Variants in OXR1 observed in about 807,000 individuals in gnomAD.
OXR1 encodes oxidation resistance 1.
Under a neutral mutation model 104.6 loss-of-function variants are expected in OXR1, and 41 were observed. The ratio of observed to expected loss-of-function variants is 0.39; its 90% confidence interval spans 0.31 to 0.51. OXR1 has a LOEUF of 0.51. OXR1 is among the 20% of genes least tolerant of loss of function. The pLI is 0.77. For synonymous variants in OXR1, 348 were observed against 348.4 expected (o/e 1.00, Z 0.01); for missense variants, 955 against 1,031.9 (o/e 0.93, Z 1.02).
At chr8:106,637,294 T>C (rs1423646868) in intron 3 of OXR1, among the ~76,000 whole-genome samples, 1 of 152,086 alleles carries the variant, frequency 6.6e-6, no homozygotes, top group Non-Finnish European at 1.5e-5. Flanking sequence ...TTTAAAATTA[T>C]GTTATGTCAA....
chr8:106,534,007 G>A (rs374952959), intron 3 of OXR1, among the ~76,000 whole-genome samples: 15 of 152,146 alleles, frequency 9.9e-5, no homozygotes, highest in Admixed American at 2.0e-4. Flanking sequence ...ACCACCACGC[G>A]CAGCCAGGTT....
chr8:106,711,258 G>A (rs923671515), intron 10 of OXR1, among the ~76,000 whole-genome samples: 11 of 151,846 alleles, frequency 7.2e-5, no homozygotes, highest in Non-Finnish European at 7.4e-5. Context: ...AGTTTTAAGC[G>A]GTTGTAAAAG....
chr8:106,463,491 T>C (rs914086834), intron 2 of OXR1, among the ~76,000 whole-genome samples: 3 of 152,126 alleles, frequency 2.0e-5, no homozygotes, highest in Non-Finnish European at 4.4e-5. Context: ...TGTCTGTTTA[T>C]GTTCTTTGGC....
chr8:106,739,003 C>T (rs1447698061), intron 12 of OXR1, among the ~76,000 whole-genome samples: 1 of 151,278 alleles, frequency 6.6e-6, no homozygotes, highest in Non-Finnish European at 1.5e-5. Flanking sequence ...AAAATTTTGG[C>T]ACCCAGGAAG....
chr8:106,582,177 C>CATATATATATATATATATAT lies in OXR1; in HGVS notation c.220+63045_220+63064dup, dbSNP rs71562108. On this transcript the variant is annotated intron_variant, in intron 3 of 16. Transcript: ENST00000517566. ...AGCAAGACAGATTTTTTTCTATTGA[C>CATATATATATATATATATAT]ATATATATATATATATATATATATA... Among the ~76,000 whole-genome samples the CATATATATATATATATATAT allele has an allele frequency of 1.6e-3, 193 of 119,252 alleles. 4 individuals carry two copies. Among genetic ancestry groups the CATATATATATATATATATAT allele is most frequent in the African/African-American group, 6.3e-3 (162 of 25,900 alleles). 78.2% of individuals were successfully genotyped at this position (119,252 alleles called of 152,430 possible). A position where few individuals can be genotyped will look rare whatever the true frequency, so the allele number is the denominator to read the frequency against.
At chr8:106,495,554 G>A (rs551452658) in intron 2 of OXR1, among the ~76,000 whole-genome samples, 2 of 152,254 alleles carry the variant, frequency 1.3e-5, no homozygotes, top group East Asian at 3.9e-4. Flanking sequence ...CTAGAAGTTT[G>A]TTCTTTCTAC....
chr8:106,427,289 C>T (rs1317377576), intron 2 of OXR1, among the ~76,000 whole-genome samples: 1 of 152,118 alleles, frequency 6.6e-6, no homozygotes, highest in Non-Finnish European at 1.5e-5. Flanking sequence ...GCCTCAGCCT[C>T]CCTAGTAGCT....
intron 16 of OXR1, among the ~76,000 whole-genome samples, chr8:106,750,322 T>TC (rs61537247): frequency 0.024 from 2,678 of 112,346 alleles, 152 homozygotes; most frequent in African/African-American, 0.048. Flanking sequence ...TTCTTTTCTT[T>TC]TCTTTTTTTT....
intron 11 of OXR1, among the ~76,000 whole-genome samples, chr8:106,731,510 T>C (rs374129781): frequency 3.9e-5 from 6 of 152,312 alleles, no homozygotes; most frequent in African/African-American, 1.2e-4. Context: ...CACCAAGATT[T>C]TTTTCCTGTG....
chr8:106,516,035 C>T (rs183665295), intron 2 of OXR1, among the ~76,000 whole-genome samples: 229 of 152,208 alleles, frequency 1.5e-3, no homozygotes, highest in African/African-American at 5.3e-3. Context: ...CCTCACTCCC[C>T]TGCCCTCAGG....
At chr8:106,719,068 T>C (rs1315701746) in intron 11 of OXR1, among the ~76,000 whole-genome samples, 6 of 152,216 alleles carry the variant, frequency 3.9e-5, no homozygotes, top group East Asian at 3.8e-4. Flanking sequence ...GAACTACTTA[T>C]TACAGTCTTT....
At chr8:106,287,385 C>G (rs1362409935) in intron 1 of OXR1, among the ~76,000 whole-genome samples, 1 of 152,034 alleles carries the variant, frequency 6.6e-6, no homozygotes, top group Non-Finnish European at 1.5e-5. Flanking sequence ...AAAAATAGAA[C>G]AAGGTTACTA....
chr8:106,316,733 T>TATCA, intron 1 of OXR1, among the ~76,000 whole-genome samples: 1 of 107,818 alleles, frequency 9.3e-6, no homozygotes, highest in Non-Finnish European at 2.1e-5. Context: ...TCTATCTATC[T>TATCA]ATCTATCTAT....
At chr8:106,573,353 AC>A (rs1817611421) in intron 3 of OXR1, among the ~76,000 whole-genome samples, 1 of 144,672 alleles carries the variant, frequency 6.9e-6, no homozygotes, top group Non-Finnish European at 1.5e-5. Flanking sequence ...ATACACACAC[AC>A]ACACACACAC....
intron 8 of OXR1, among the ~76,000 whole-genome samples, chr8:106,704,393 CTTTTTTTTTTTTTTTTTTTT>C (rs71307084): frequency 2.1e-5 from 1 of 47,888 alleles, no homozygotes. Flanking sequence ...CTTTCTTCTT[CTTTTTTTTTTTTTTTTTTTT>C]TTTTTTTTTT....
chr8:106,496,113 G>A (rs1811396209), intron 2 of OXR1, among the ~76,000 whole-genome samples: 2 of 152,142 alleles, frequency 1.3e-5, no homozygotes, highest in South Asian at 4.1e-4. Flanking sequence ...AGGTTCAGAA[G>A]AAGGGCTTGT....
intron 2 of OXR1, among the ~76,000 whole-genome samples, chr8:106,458,379 A>G (rs1820721518): frequency 6.6e-6 from 1 of 152,096 alleles, no homozygotes; most frequent in Non-Finnish European, 1.5e-5. Context: ...CAAGCTGTAA[A>G]CCCTGGTGGG....
intron 3 of OXR1, among the ~76,000 whole-genome samples, chr8:106,547,533 G>A (rs1175100639): frequency 1.8e-5 from 2 of 114,006 alleles, no homozygotes; most frequent in East Asian, 2.7e-4. Context: ...AAACTCTGTT[G>A]CCCAGGCTGG....
intron 2 of OXR1, among the ~76,000 whole-genome samples, chr8:106,513,297 C>G (rs2083676590): frequency 6.6e-6 from 1 of 151,986 alleles, no homozygotes; most frequent in Admixed American, 6.6e-5. Context: ...GTAGGAAAGT[C>G]AAGATCCCTC....
Sources: allele counts gnomAD v4.1 joint callset (sites outside exome capture counted in the v4.1 genomes callset), GRCh38; gene constraint gnomAD v4.1.1; transcripts MANE v1.5; gene names NCBI Gene and HGNC (gene_info 2026-07-23, HGNC 2026-07-21).